Variants in NXPE2 observed in about 807,000 individuals in gnomAD.
NXPE2 encodes NXPE family member 2.
NXPE2 carries 34 observed loss-of-function variants against 34.4 expected under a neutral mutation model. The ratio of observed to expected loss-of-function variants is 0.99; its 90% CI spans 0.75 to 1.31. The LOEUF is 1.31. Among genes scored for constraint, NXPE2 ranks in the 40% most tolerant of loss-of-function variants. The probability of loss-of-function intolerance (pLI) is 0.00; values close to 1 mark genes in which losing one functional copy is unlikely to be tolerated. For synonymous variants in NXPE2, 235 were observed against 231.3 expected (o/e 1.02, Z -0.15); for missense variants, 649 against 672.5 (o/e 0.97, Z 0.39).
chr11:114,616,169 T>G, the NXPE2 span, among the ~76,000 whole-genome samples: 4 of 149,464 alleles, frequency 2.7e-5, no homozygotes, highest in Admixed American at 2.7e-4. Context: ...ATGGTTACCC[T>G]GTGTATGATA....
chr11:114,653,196 A>G, the NXPE2 span, among the ~76,000 whole-genome samples: 1 of 152,206 alleles, frequency 6.6e-6, no homozygotes, highest in South Asian at 2.1e-4. Flanking sequence ...TTAAAACAAA[A>G]CATTTATTAT....
the NXPE2 span, among the ~76,000 whole-genome samples, chr11:114,659,492 G>T: frequency 4.6e-5 from 7 of 150,888 alleles, no homozygotes; most frequent in Non-Finnish European, 1.0e-4. Flanking sequence ...CCCTAGAGAT[G>T]TGAAATAATA....
chr11:114,787,488 T>C, the NXPE2 span, among the ~76,000 whole-genome samples: 86 of 152,196 alleles, frequency 5.7e-4, no homozygotes, highest in African/African-American at 2.0e-3. Context: ...AATTCTAAGA[T>C]CCAATCATCT....
At chr11:114,744,769 C>T in the NXPE2 span, among the ~76,000 whole-genome samples, 5 of 152,042 alleles carry the variant, frequency 3.3e-5, no homozygotes, top group Non-Finnish European at 7.4e-5. Flanking sequence ...CACCACTGCA[C>T]TCCAGCTTGG....
At chr11:114,562,596 G>A in the NXPE2 span, among the ~76,000 whole-genome samples, 2 of 152,142 alleles carry the variant, frequency 1.3e-5, no homozygotes, top group African/African-American at 4.8e-5. Flanking sequence ...CCTAGACTCT[G>A]TAACAACTTT....
chr11:114,625,411 G>A, the NXPE2 span, among the ~76,000 whole-genome samples: 2 of 152,090 alleles, frequency 1.3e-5, no homozygotes, highest in African/African-American at 4.8e-5. Context: ...ATTGCCTCAT[G>A]GGCAACCACT....
At chr11:114,616,487 T>C in the NXPE2 span, among the ~76,000 whole-genome samples, 4 of 151,666 alleles carry the variant, frequency 2.6e-5, no homozygotes, top group Non-Finnish European at 1.5e-5. Flanking sequence ...GCCTCGAGGG[T>C]AACCACTGTT....
At chr11:114,723,382 T>A in the NXPE2 span, among the ~76,000 whole-genome samples, 426 of 152,240 alleles carry the variant, frequency 2.8e-3, 2 homozygotes, top group Non-Finnish European at 4.5e-3. Context: ...GAGGAAAGAT[T>A]ACATTTTATT....
the NXPE2 span, among the ~76,000 whole-genome samples, chr11:114,574,590 G>C: frequency 2.0e-5 from 3 of 151,944 alleles, no homozygotes; most frequent in Non-Finnish European, 4.4e-5. Context: ...ACATAAACTA[G>C]AAAACCTAGA....
chr11:114,469,328 T>A, the NXPE2 span, among the ~76,000 whole-genome samples: 1 of 151,602 alleles, frequency 6.6e-6, no homozygotes, highest in East Asian at 2.0e-4. Flanking sequence ...TTAGCCAGGA[T>A]GGTCTCGATC....
At chr11:114,593,533 A>G in the NXPE2 span, among the ~76,000 whole-genome samples, 1 of 152,086 alleles carries the variant, frequency 6.6e-6, no homozygotes, top group Non-Finnish European at 1.5e-5. Context: ...AACATATGCT[A>G]GTGAGGATGT....
chr11:114,637,956 C>T, the NXPE2 span, among the ~76,000 whole-genome samples: 1 of 151,912 alleles, frequency 6.6e-6, no homozygotes, highest in Admixed American at 6.6e-5. Context: ...AGTTGCTCTT[C>T]TCGAGGAGTA....
intron 2 of NXPE2, among the ~76,000 whole-genome samples, chr11:114,680,650 A>G (rs1204124539): frequency 6.6e-6 from 1 of 152,150 alleles, no homozygotes; most frequent in Non-Finnish European, 1.5e-5. Context: ...CCTTCTGCCC[A>G]GAATACCTGT....
chr11:114,590,427 G>A, the NXPE2 span, among the ~76,000 whole-genome samples: 1 of 152,098 alleles, frequency 6.6e-6, no homozygotes, highest in African/African-American at 2.4e-5. Flanking sequence ...AGATTTTGGG[G>A]CATTACAGGA....
chr11:114,686,832 C>T (rs568563960), intron 2 of NXPE2, among the ~76,000 whole-genome samples: 1 of 152,216 alleles, frequency 6.6e-6, no homozygotes, highest in Non-Finnish European at 1.5e-5. Context: ...GAGATGGTAC[C>T]TCACTGGAGT....
the NXPE2 span, among the ~76,000 whole-genome samples, chr11:114,745,986 G>C: frequency 6.6e-6 from 1 of 152,020 alleles, no homozygotes; most frequent in South Asian, 2.1e-4. Flanking sequence ...AATATATTAT[G>C]ATAACATAAT....
chr11:114,583,956 A>T, the NXPE2 span: 20 of 384,438 alleles, frequency 5.2e-5, no homozygotes, highest in East Asian at 8.9e-4. Flanking sequence ...ATTGATGATG[A>T]GTCCTATGAG....
upstream of NXPE2, chr11:114,678,467 T>G: frequency 1.2e-6 from 1 of 845,086 alleles, no homozygotes. Context: ...GGATGTCAGC[T>G]TTTGATCAAT....
the NXPE2 span, among the ~76,000 whole-genome samples, chr11:114,509,002 G>A: frequency 1.3e-5 from 2 of 152,064 alleles, no homozygotes; most frequent in Non-Finnish European, 1.5e-5. Flanking sequence ...TTTTGCAAAC[G>A]ATGCGTCTGA....
Sources: gnomAD v4.1 joint callset for allele counts (sites outside exome capture counted in the v4.1 genomes callset) on GRCh38, gnomAD v4.1.1 for gene constraint, MANE v1.5 for transcripts, NCBI Gene and HGNC (gene_info 2026-07-23, HGNC 2026-07-21) for gene names.